TOP2B: variants seen among roughly 807,000 people sequenced by gnomAD.
TOP2B encodes DNA topoisomerase II beta.
TOP2B carries 51 observed loss-of-function variants against 193.5 expected under a neutral mutation model. That is an observed-to-expected ratio of 0.26 (90% CI 0.21 to 0.33). TOP2B has a LOEUF of 0.33. Ranked by LOEUF, TOP2B falls within the 10% of genes least tolerant of loss-of-function variation. The pLI is 1.00. For missense variants in TOP2B, 1,378 were observed against 1,909.3 expected (o/e 0.72, Z 5.19); for synonymous variants, 634 against 635.7 (o/e 1.00, Z 0.04).
In TOP2B at chr3:25,658,249, A is replaced by AATT. The variant is rs566463535; in HGVS notation, c.69+5977_69+5979dup. Among the ~76,000 whole-genome samples the AATT allele has an allele frequency of 4.6e-3, 687 of 150,856 alleles. 7 individuals are homozygous for AATT. The highest frequency in any genetic ancestry group is 0.016 in the African/African-American group (653 of 41,222). Reference sequence around the variant, plus strand: ...TCCATCTCAAAAAATATATAATAATAATTATTATTATTATTTACCAAAAGC... The same window carrying AATT: ...TCCATCTCAAAAAATATATAATAATAATTATTATTATTATTATTTACCAAAAGC... On this transcript the variant is annotated intron_variant, in intron 1 of 35. Transcript: ENST00000264331.
At chr3:25,603,840 C>G (rs918555332) in intron 33 of TOP2B, among the ~76,000 whole-genome samples, 42 of 152,260 alleles carry the variant, frequency 2.8e-4, no homozygotes, top group African/African-American at 9.1e-4. Context: ...ATTTATAGAC[C>G]AACTTTCCTC....
intron 1 of TOP2B, among the ~76,000 whole-genome samples, chr3:25,646,912 AT>A: frequency 6.6e-6 from 1 of 152,180 alleles, no homozygotes; most frequent in Non-Finnish European, 1.5e-5. Context: ...AGATTTAATA[AT>A]ATTTCAAAAT....
In TOP2B at chr3:25,664,816, T is replaced by TCA. The variant is rs1183415680; in HGVS notation, c.-521_-520dup. ...TAGCCTCGCTGCAGCCCCGATTTCC[T>TCA]CACACACACACACCGAGAGGGACAA... is the stretch of plus-strand genomic sequence containing the variant. On this transcript the variant is annotated 5_prime_UTR_variant, in exon 1 of 36. An upstream open reading frame in the 5' UTR loses its in-frame stop. Transcript: ENST00000264331. 28 of 984,568 alleles carry TCA rather than the reference T, an allele frequency of 2.8e-5. No homozygotes were observed. Among genetic ancestry groups the TCA allele is most frequent in the Middle Eastern group, 2.8e-4 (1 of 3,540 alleles). 61.0% of individuals were successfully genotyped at this position (984,568 alleles called of 1,614,324 possible).
chr3:25,632,815 G>A lies in TOP2B; in HGVS notation c.1027-21C>T, dbSNP rs571139530. 5.0e-6 allele frequency: 8 copies of A among 1,585,302 alleles called. No homozygotes were observed. The South Asian group carries it at 6.7e-5, about 13-fold the overall frequency. ...CCACCCTAAAGAAAAAAAAATATAT[G>A]AAATCTGAAATCCTGTATTGTTAAA... On this transcript the variant is annotated intron_variant, in intron 8 of 35. Transcript: ENST00000264331.
intron 23 of TOP2B, among the ~76,000 whole-genome samples, chr3:25,619,601 A>G (rs77401651): frequency 0.018 from 2,728 of 152,246 alleles, 38 homozygotes; most frequent in Middle Eastern, 0.044. Flanking sequence ...CATAACTTTT[A>G]GTCAATGTGT....
chr3:25,627,234 T>C lies in TOP2B; in HGVS notation c.1969A>G (p.Ile657Val), dbSNP rs1185386412. The C allele has an allele frequency of 6.2e-6, 10 of 1,610,610 alleles. No homozygotes were observed. Among genetic ancestry groups the C allele is most frequent in the Admixed American group, 1.7e-5 (1 of 58,902 alleles). Reference protein sequence around the residue: ...EYFADMERHRILFRYAGPEDD... With the variant: ...EYFADMERHRVLFRYAGPEDD... ...TCAGGACCAGCATATCTAAACAAGA[T>C]GCGATGCCTTTCCATATCAGCAAAA... The change falls in exon 16 of 36, where the codon ATC (isoleucine) becomes GTC (valine). Residue 657 changes from isoleucine to valine, a missense_variant. By Grantham distance (29) the Ile-to-Val change is conservative. This residue lies in a region of TOP2B where 379 missense variants were observed against 615.1 expected (regional missense o/e 0.62). Coordinates refer to ENST00000264331, the MANE Select transcript of TOP2B (RefSeq NM_001330700.2).
At chr3:25,658,655 T>C (rs146718983) in intron 1 of TOP2B, among the ~76,000 whole-genome samples, 2,026 of 152,298 alleles carry the variant, frequency 0.013, 50 homozygotes, top group African/African-American at 0.044. Context: ...ATATAGACTA[T>C]ATATTTTAAA....
chr3:25,630,667 G>T, intron 11 of TOP2B, 134 bp downstream of exon 11: 1 of 946,656 alleles, frequency 1.1e-6, no homozygotes, highest in Non-Finnish European at 1.5e-6. Context: ...TTGTGTATGT[G>T]ATAATTTCAA....
chr3:25,627,018 C>A, intron 16 of TOP2B, 154 bp from the exon 17 acceptor site: 2 of 690,966 alleles, frequency 2.9e-6, no homozygotes, highest in South Asian at 4.4e-5. Context: ...AAACTAAGGT[C>A]TTTCAATTAA....
intron 35 of TOP2B, among the ~76,000 whole-genome samples, chr3:25,598,974 C>G (rs7621736): frequency 0.19 from 28,433 of 151,712 alleles, 3,930 homozygotes; most frequent in African/African-American, 0.4. Context: ...AAAAGGGATG[C>G]GGGGGAGCTG....
intron 1 of TOP2B, among the ~76,000 whole-genome samples, chr3:25,658,065 A>ACT: frequency 7.2e-6 from 1 of 138,736 alleles, no homozygotes; most frequent in African/African-American, 2.9e-5. Flanking sequence ...CGTCTCAAAA[A>ACT]AAAAAAAAAA....
At chr3:25,630,250 T>C in intron 12 of TOP2B, 62 bp downstream of exon 12, 1 of 1,525,854 alleles carries the variant, frequency 6.6e-7, no homozygotes, top group African/African-American at 1.4e-5. Flanking sequence ...AGTAAAGTAT[T>C]AGAAATGTCA....
intron 10 of TOP2B, among the ~76,000 whole-genome samples, chr3:25,632,066 CAT>C (rs944248531): frequency 2.0e-5 from 3 of 151,976 alleles, no homozygotes; most frequent in Admixed American, 6.6e-5. Flanking sequence ...TTTTGTTATA[CAT>C]GTTACCACAA....
chr3:25,656,223 C>G (rs1212189981), intron 1 of TOP2B, among the ~76,000 whole-genome samples: 1 of 152,064 alleles, frequency 6.6e-6, no homozygotes, highest in African/African-American at 2.4e-5. Context: ...CAGGAAAAGC[C>G]TTAAGGGATA....
At chr3:25,624,168 G>T in intron 20 of TOP2B, 129 bp downstream of exon 20, 1 of 1,116,464 alleles carries the variant, frequency 9.0e-7, no homozygotes, top group Non-Finnish European at 1.3e-6. Context: ...CAAATAATTT[G>T]GAACATTCAC....
chr3:25,624,795 G>C lies in TOP2B; in HGVS notation c.2233C>G (p.Pro745Ala). Residue 745 changes from proline to alanine, a missense_variant, in exon 19 of 36, where the codon CCT becomes GCT. Coordinates refer to ENST00000264331, the MANE Select transcript of TOP2B (RefSeq NM_001330700.2). ...SIPSLVDGFK[P>A]GQRKVLFTCF... ...GTAAATAAAACTTTCCGCTGGCCAG[G>C]TTTAAAGCCTATTTTTAAAAGAGCT... 1.2e-6 allele frequency: 2 copies of C among 1,611,626 alleles called. No individual in the cohort carries two copies. Among genetic ancestry groups the C allele is most frequent in the Non-Finnish European group, 1.7e-6 (2 of 1,179,066 alleles).
In TOP2B at chr3:25,599,521, G is replaced by A; in HGVS notation, c.4624C>T (p.Arg1542Ter). Residue 1542 changes from arginine (R) to a stop codon, truncating the protein, a stop_gained, in exon 35 of 36, where the codon CGA (arginine) becomes TGA (stop). Coordinates refer to ENST00000264331, the MANE Select transcript of TOP2B (RefSeq NM_001330700.2). LOFTEE classifies it high-confidence loss of function. The part of the protein sequence containing the change: ...KKTTTPKGKG[R>*]GAKKRKASGS... ...GATGCTTTCCTTTTCTTTGCCCCTC[G>A]GCCTTTACCTTAAAATGATACAAAA... The A allele has an allele frequency of 1.9e-6, 3 of 1,612,228 alleles. No homozygotes were observed. Among genetic ancestry groups the A allele is most frequent in the Middle Eastern group, 1.7e-4 (1 of 6,058 alleles).
chr3:25,630,236 G>C lies in TOP2B; in HGVS notation c.1563+76C>G, dbSNP rs557966958. 227 of 1,520,560 alleles carry C rather than the reference G, an allele frequency of 1.5e-4. 1 individual carries two copies. In the Admixed American group the frequency reaches 4.8e-3, roughly 32 times the overall value. 94.2% of individuals were successfully genotyped at this position (1,520,560 alleles called of 1,614,324 possible). On this transcript the variant is annotated intron_variant, in intron 12 of 35. Transcript: ENST00000264331. ...GAAATTACATTTAAAAATTCGAGAAGTTTAGTAAAGTATTAGAAATGTCAT... is the reference window on the plus strand; with the variant it reads ...GAAATTACATTTAAAAATTCGAGAACTTTAGTAAAGTATTAGAAATGTCAT...
chr3:25,628,171 TA>T (rs11444499), intron 15 of TOP2B, among the ~76,000 whole-genome samples: 2,177 of 130,128 alleles, frequency 0.017, 48 homozygotes, highest in African/African-American at 0.05. Context: ...TAACATTATT[TA>T]AAAAAAAAAA....
Sources: allele counts gnomAD v4.1 joint callset (sites outside exome capture counted in the v4.1 genomes callset), GRCh38; gene constraint gnomAD v4.1.1; regional missense constraint gnomAD v4.1.1; transcripts MANE v1.5; gene names NCBI Gene and HGNC (gene_info 2026-07-23, HGNC 2026-07-21).